Variants in TRAF3IP1 observed in about 807,000 individuals in gnomAD.
TRAF3IP1 encodes the protein intraflagellar transport 54.
In TRAF3IP1, 53 loss-of-function variants were observed where a neutral mutation model predicts 89.9. That is an observed-to-expected ratio of 0.59 (90% CI 0.47 to 0.74). TRAF3IP1 has a LOEUF of 0.74. TRAF3IP1 is among the 30% of genes least tolerant of loss of function. The pLI is 0.00. For missense variants in TRAF3IP1, 806 were observed against 866.1 expected, an observed-to-expected ratio of 0.93 and a Z score of 0.87; for synonymous variants, 311 against 322.1, an observed-to-expected ratio of 0.97 and a Z score of 0.37.
At chr2:238,394,884 C>T (rs1379726081) in intron 15 of TRAF3IP1, among the ~76,000 whole-genome samples, 1 of 152,208 alleles carries the variant, frequency 6.6e-6, no homozygotes, top group Non-Finnish European at 1.5e-5. Context: ...GTCCTGCCCT[C>T]CTGAGCCCAC....
intron 15 of TRAF3IP1, among the ~76,000 whole-genome samples, chr2:238,363,464 C>T (rs1247959389): frequency 2.6e-5 from 4 of 152,000 alleles, no homozygotes; most frequent in African/African-American, 7.3e-5. Flanking sequence ...TAGTTTTTTA[C>T]ACATAAAGAT....
chr2:238,386,844 A>G (rs1006330143), intron 15 of TRAF3IP1, among the ~76,000 whole-genome samples: 4 of 152,172 alleles, frequency 2.6e-5, no homozygotes, highest in African/African-American at 7.2e-5. Context: ...GGCTTAACAC[A>G]TAATTCTAAG....
At chr2:238,325,089 C>G (rs959010144) in intron 1 of TRAF3IP1, among the ~76,000 whole-genome samples, 10 of 152,138 alleles carry the variant, frequency 6.6e-5, no homozygotes, top group Non-Finnish European at 8.8e-5. Flanking sequence ...GTCATCTTTA[C>G]CTGTCTGTCC....
intron 1 of TRAF3IP1, 151 bp downstream of exon 1, chr2:238,320,936 G>GCCGGGTGTGAA (rs1159982819): frequency 8.4e-5 from 49 of 581,328 alleles, no homozygotes; most frequent in Non-Finnish European, 1.1e-4. Context: ...CGGGGCCCGG[G>GCCGGGTGTGAA]CCGGGTGTGA....
rs1016894566 is a variant in TRAF3IP1, at chr2:238,352,717, A to G, written c.1452-110A>G. The stretch of plus-strand genomic sequence containing the variant: ...GGTAGCTTGAGATGCTGTTCTAGCT[A>G]GAGATGGTTGGTGATTAGATTCCTC... On this transcript the variant is annotated intron_variant, in intron 12 of 16. Transcript: ENST00000373327. 1.3e-5 allele frequency: 14 copies of G among 1,043,842 alleles called. No homozygotes were observed. The Admixed American group carries it at 2.4e-4, about 18-fold the overall frequency. 64.7% of individuals were successfully genotyped at this position (1,043,842 alleles called of 1,614,324 possible).
intron 15 of TRAF3IP1, among the ~76,000 whole-genome samples, chr2:238,367,837 C>T (rs967013107): frequency 3.9e-5 from 6 of 152,200 alleles, no homozygotes; most frequent in African/African-American, 7.2e-5. Flanking sequence ...GGAGCAGCAC[C>T]GCGGCTCCAG....
At chr2:238,341,099 C>T (rs1467603603) in intron 8 of TRAF3IP1, among the ~76,000 whole-genome samples, 1 of 152,108 alleles carries the variant, frequency 6.6e-6, no homozygotes, top group East Asian at 1.9e-4. Flanking sequence ...TAGCTCACTG[C>T]AGTCTTGAAC....
chr2:238,353,286 A>T lies in TRAF3IP1; in HGVS notation c.1612+77A>T, dbSNP rs116652493. 1,326 of 1,526,554 alleles carry T rather than the reference A, an allele frequency of 8.7e-4. 15 individuals are homozygous for T. In the African/African-American group the frequency reaches 0.017, roughly 19 times the overall value. 94.6% of individuals were successfully genotyped at this position (1,526,554 alleles called of 1,614,324 possible). A position where few individuals can be genotyped will look rare whatever the true frequency, so the allele number is the denominator to read the frequency against. ...ACCTTCTCCACGTGGGCCTGGAAGG[A>T]TCCAGTGCAAGGGACTGTTGTGTGC... On this transcript the variant is annotated intron_variant, in intron 14 of 16. Coordinates refer to ENST00000373327, the MANE Select transcript of TRAF3IP1 (RefSeq NM_015650.4).
At chr2:238,328,180 T>C (rs755098282) in intron 3 of TRAF3IP1, among the ~76,000 whole-genome samples, 9 of 152,256 alleles carry the variant, frequency 5.9e-5, no homozygotes, top group Non-Finnish European at 1.2e-4. Flanking sequence ...CCATAATGGC[T>C]GCATCATTTT....
In TRAF3IP1 at chr2:238,398,861, A is replaced by G; in HGVS notation, c.2018A>G (p.Lys673Arg). 6 of 1,613,368 alleles carry G rather than the reference A, an allele frequency of 3.7e-6. No individual in the cohort carries two copies. The highest frequency in any genetic ancestry group is 2.2e-5 in the East Asian group (1 of 44,878). ...KICAVKANIL[K>R]NEEKIQKMVY... ...TGTGCTGTGAAGGCCAACATCCTCA[A>G]GAATGAAGAAAAAATCCAGAAAATG... The change falls in exon 17 of 17, where the codon AAG becomes AGG. Residue 673 changes from lysine (K) to arginine (R), a missense_variant. Lys to Arg is a conservative substitution (Grantham distance 26, BLOSUM62 2). Coordinates refer to ENST00000373327, the MANE Select transcript of TRAF3IP1 (RefSeq NM_015650.4).
chr2:238,374,244 T>G (rs1462298192), intron 15 of TRAF3IP1, among the ~76,000 whole-genome samples: 2 of 152,234 alleles, frequency 1.3e-5, no homozygotes, highest in African/African-American at 2.4e-5. Context: ...TTTTGCCCAT[T>G]CAGTATGATA....
intron 5 of TRAF3IP1, 53 bp downstream of exon 5, chr2:238,329,395 C>T (rs1698012934): frequency 7.6e-7 from 1 of 1,316,766 alleles, no homozygotes; most frequent in Non-Finnish European, 9.8e-7. Flanking sequence ...TTGTGGTGGT[C>T]TCAAACATGA....
At chr2:238,322,104 A>G (rs1259275281) in intron 1 of TRAF3IP1, among the ~76,000 whole-genome samples, 1 of 152,314 alleles carries the variant, frequency 6.6e-6, no homozygotes, top group Non-Finnish European at 1.5e-5. Context: ...TGCTGTGTGG[A>G]TAGCCCGGTG....
chr2:238,341,550 A>ATTTTTT lies in TRAF3IP1; in HGVS notation c.1160-2947_1160-2946insTTTTTT, dbSNP rs1476448345. ...TTCTATTCTTTTTTTTTTTTTTAAA[A>ATTTTTT]AAAAAACACTGGCTATTTGATGACA... On this transcript the variant is annotated intron_variant, in intron 8 of 16. Coordinates refer to ENST00000373327, the MANE Select transcript of TRAF3IP1 (RefSeq NM_015650.4). Among the ~76,000 whole-genome samples the ATTTTTT allele has an allele frequency of 6.3e-3, 933 of 147,386 alleles. 8 individuals are homozygous for ATTTTTT. Among genetic ancestry groups the ATTTTTT allele is most frequent in the African/African-American group, 0.023 (867 of 38,378 alleles).
chr2:238,397,337 C>T (rs1701271080), intron 15 of TRAF3IP1, 122 bp from the exon 16 acceptor site: 1 of 787,466 alleles, frequency 1.3e-6, no homozygotes. Context: ...TGTCCCACAA[C>T]CAGCACTGTC....
rs1421537563 is a variant in TRAF3IP1, at chr2:238,351,866, T to TGTGCGCGCGC, written c.1452-960_1452-959insTGCGCGCGCG. On this transcript the variant is annotated intron_variant, in intron 12 of 16. Transcript: ENST00000373327. This position sits in a 1 kb window ranked among gnomAD's most constrained non-coding sequence, Gnocchi z 5.2. ...GTGTGTGTGTGTGTGTGTGTGTGTGTGCGCGCGCGCGCGTGTGCGTGCATG... is the reference window on the plus strand; with the variant it reads ...GTGTGTGTGTGTGTGTGTGTGTGTGTGTGCGCGCGCGCGCGCGCGCGCGTGTGCGTGCATG... Among the ~76,000 whole-genome samples the TGTGCGCGCGC allele has an allele frequency of 4.0e-4, 51 of 128,248 alleles. No homozygotes were observed. The highest frequency in any genetic ancestry group is 6.7e-4 in the Non-Finnish European group (42 of 62,248). 84.1% of individuals were successfully genotyped at this position (128,248 alleles called of 152,430 possible).
In TRAF3IP1 at chr2:238,338,175, A is replaced by AG. The variant is rs148847963; in HGVS notation, c.1064-185dup. Among the ~76,000 whole-genome samples the AG allele has an allele frequency of 2.7e-3, 406 of 152,246 alleles. 12 individuals carry two copies. The East Asian group carries it at 0.043, about 16-fold the overall frequency. ...TTGGAGAGGAAGAAAGTGTTAGGGAAGGAGAGGGGGCTTCTTGTCAAGCTC... is the reference window on the plus strand; with the variant it reads ...TTGGAGAGGAAGAAAGTGTTAGGGAAGGGAGAGGGGGCTTCTTGTCAAGCTC... On this transcript the variant is annotated intron_variant, in intron 7 of 16. Coordinates refer to ENST00000373327, the MANE Select transcript of TRAF3IP1 (RefSeq NM_015650.4).
intron 15 of TRAF3IP1, among the ~76,000 whole-genome samples, chr2:238,381,143 T>TTA (rs1371097660): frequency 4.7e-4 from 70 of 148,902 alleles, no homozygotes; most frequent in African/African-American, 1.7e-3. Flanking sequence ...ATTTATTTAT[T>TTA]TTTTTTTTTT....
At chr2:238,341,688 G>A (rs1698667330) in intron 8 of TRAF3IP1, among the ~76,000 whole-genome samples, 1 of 152,144 alleles carries the variant, frequency 6.6e-6, no homozygotes, top group Non-Finnish European at 1.5e-5. Context: ...GACTGATAGG[G>A]ACTGGCCCCT....
Sources: gnomAD v4.1 joint callset for allele counts (sites outside exome capture counted in the v4.1 genomes callset) on GRCh38, gnomAD v4.1.1 for gene constraint, Gnocchi (gnomAD v3.1) non-coding constraint, MANE v1.5 for transcripts, NCBI Gene and HGNC (gene_info 2026-07-23, HGNC 2026-07-21) for gene names.